TLE2: variants seen among roughly 807,000 people sequenced by gnomAD.
TLE2 encodes transducin-like enhancer protein 2.
A neutral mutation model predicts 97.2 loss-of-function variants in TLE2; 74 were observed. The observed-to-expected ratio is 0.76, with a 90% CI of 0.63 to 0.92. TLE2 has a LOEUF of 0.92. Among genes scored for constraint, TLE2 ranks in the 40% least tolerant of loss-of-function variants. The pLI is 0.00. For synonymous variants in TLE2, 499 were observed against 432.1 expected (o/e 1.15, Z -1.92); for missense variants, 1,038 against 1,008.7 (o/e 1.03, Z -0.39).
chr19:3,012,843 A>C (rs1392391240), intron 11 of TLE2, among the ~76,000 whole-genome samples: 2 of 152,160 alleles, frequency 1.3e-5, no homozygotes, highest in Non-Finnish European at 1.5e-5. Flanking sequence ...ACCATCGCAC[A>C]AACAGTGACA....
intron 4 of TLE2, chr19:3,025,591 C>T (rs2089929354): frequency 1.0e-6 from 1 of 986,376 alleles, no homozygotes; most frequent in African/African-American, 1.7e-5. Context: ...TCTCAGCACG[C>T]CACACTCAAG....
At chr19:3,004,608 C>A (rs1162475760) in intron 17 of TLE2, among the ~76,000 whole-genome samples, 1 of 129,900 alleles carries the variant, frequency 7.7e-6, no homozygotes, top group Non-Finnish European at 1.6e-5. Flanking sequence ...CACAGCAACT[C>A]TGTCTCAAAA....
At chr19:3,001,709 G>A (rs912118736) in intron 18 of TLE2, among the ~76,000 whole-genome samples, 1 of 151,452 alleles carries the variant, frequency 6.6e-6, no homozygotes, top group African/African-American at 2.4e-5. Flanking sequence ...TCCTGGTCTT[G>A]GGCGATCCTT....
upstream of TLE2, among the ~76,000 whole-genome samples, chr19:3,034,134 T>G (rs1409233863): frequency 4.6e-5 from 7 of 150,914 alleles, no homozygotes; most frequent in Non-Finnish European, 8.9e-5. Context: ...CCCACACACA[T>G]CCCCCAGATA....
chr19:3,002,848 G>A (rs2089395051), intron 17 of TLE2, among the ~76,000 whole-genome samples: 1 of 152,052 alleles, frequency 6.6e-6, no homozygotes, highest in African/African-American at 2.4e-5. Flanking sequence ...ACAGGTACCT[G>A]CTAGTACGCC....
intron 1 of TLE2, among the ~76,000 whole-genome samples, chr19:3,040,028 G>A (rs941288447): frequency 6.6e-6 from 1 of 152,234 alleles, no homozygotes; most frequent in African/African-American, 2.4e-5. Context: ...CGGCCCAGCG[G>A]GGACAATTTG....
At chr19:3,042,491 G>A (rs184799660) in intron 1 of TLE2, among the ~76,000 whole-genome samples, 5 of 148,716 alleles carry the variant, frequency 3.4e-5, no homozygotes, top group South Asian at 2.2e-4. Flanking sequence ...GAGCGGGGAC[G>A]GGGATGGTAG....
intron 1 of TLE2, among the ~76,000 whole-genome samples, chr19:3,042,413 G>GC (rs201443067): frequency 0.54 from 46,667 of 86,778 alleles, 13,632 homozygotes; most frequent in African/African-American, 0.61. Flanking sequence ...GGGTAAGGGG[G>GC]CCTGGGAGGA....
chr19:3,015,605 G>T, intron 9 of TLE2, 48 bp downstream of exon 9: 4 of 1,486,166 alleles, frequency 2.7e-6, no homozygotes, highest in African/African-American at 1.4e-5. Flanking sequence ...GGCCAGGCTG[G>T]TCTGGGCCAT....
chr19:3,006,673 G>A lies in TLE2; in HGVS notation c.1251-4C>T, dbSNP rs1166320142. ...AGACACGTGGAAGGAGTAGGCCCTGGAGAGAAAGCCGGGGCATGACCCAGC... is the reference window on the plus strand; with the variant it reads ...AGACACGTGGAAGGAGTAGGCCCTGAAGAGAAAGCCGGGGCATGACCCAGC... On this transcript the variant is annotated splice_polypyrimidine_tract_variant and splice_region_variant and intron_variant, in intron 14 of 19. Transcript: ENST00000262953. 6.3e-7 allele frequency: 1 copy of A among 1,584,484 alleles called. No individual in the cohort carries two copies. The highest frequency in any genetic ancestry group is 8.6e-7 in the Non-Finnish European group (1 of 1,162,758).
At chr19:3,016,321 A>T (rs112773445) in intron 8 of TLE2, among the ~76,000 whole-genome samples, 2 of 146,380 alleles carry the variant, frequency 1.4e-5, no homozygotes, top group Non-Finnish European at 3.0e-5. Flanking sequence ...CACGCCTATA[A>T]TCCCAGCACT....
rs766674281 is a variant in TLE2 at position 3,019,383 on chromosome 19, A to G, written c.450T>C (p.Ala150=). The change falls in exon 7 of 20, where the codon GCT becomes GCC. Residue 150 remains alanine (A), a synonymous_variant. Transcript: ENST00000262953. The surrounding 1 kb of genome is among the most constrained non-coding windows in gnomAD (Gnocchi z 5.1). ...PRPAGLVGGS[A]TGLLALSGAL... ...CTCCAGACAGAGCAAGCAGCCCCGT[A>G]GCACTGCCGCCCACCAGCCCGGCTG... 7.8e-6 allele frequency: 12 copies of G among 1,547,972 alleles called. No homozygotes were observed. In the Admixed American group the frequency reaches 2.3e-4, roughly 30 times the overall value.
rs1396595657 is a variant in TLE2 at position 3,009,647 on chromosome 19, G to GC, written c.1067dup (p.Ser357LeufsTer39). The GC allele has an allele frequency of 6.2e-7, 1 of 1,613,128 alleles. No individual in the cohort carries two copies. The highest frequency in any genetic ancestry group is 1.1e-5 in the South Asian group (1 of 90,802). On this transcript the variant is annotated frameshift_variant, in exon 13 of 20. Coordinates refer to ENST00000262953, the MANE Select transcript of TLE2 (RefSeq NM_003260.5). LOFTEE classifies it high-confidence loss of function. ...GGTCTCCGTTGAGAGTGCTGTGGGA[G>GC]CCCAGGCTGAAGGACGTGGTGAAGG...
chr19:3,019,456 AGCT>A lies in TLE2; in HGVS notation c.374_376del (p.Gln125del). 3.3e-6 allele frequency: 5 copies of A among 1,516,408 alleles called. No homozygotes were observed. Among genetic ancestry groups the A allele is most frequent in the Admixed American group, 2.1e-5 (1 of 48,112 alleles). 93.9% of individuals were successfully genotyped at this position (1,516,408 alleles called of 1,614,324 possible). ...GGGTGCGTGGTGGGACAGCGGCTGG[AGCT>A]GCTGCTGCTAGAAAGGAGGCAGGAT... On this transcript the variant is annotated inframe_deletion, in exon 7 of 20. Coordinates refer to ENST00000262953, the MANE Select transcript of TLE2 (RefSeq NM_003260.5). The surrounding 1 kb of genome is among the most constrained non-coding windows in gnomAD (Gnocchi z 5.1).
chr19:3,013,841 G>A (rs757716587), intron 10 of TLE2, 23 bp from the exon 11 acceptor site: 3 of 1,496,726 alleles, frequency 2.0e-6, no homozygotes, highest in African/African-American at 1.5e-5. Context: ...AGGTGACGTT[G>A]AGCAGAGTTG....
intron 12 of TLE2, 32 bp from the exon 13 acceptor site, chr19:3,009,734 C>G (rs147720997): frequency 2.5e-6 from 4 of 1,578,946 alleles, no homozygotes; most frequent in Non-Finnish European, 3.4e-6. Context: ...CAGGTTTTGA[C>G]GCCCTGGACC....
chr19:3,018,001 A>G lies in TLE2; in HGVS notation c.551-142T>C, dbSNP rs994756590. On this transcript the variant is annotated intron_variant, in intron 7 of 19. Transcript: ENST00000262953. ...CTCAGAGTCTCTCTACCCTTCCAACACCCTTGCAAGTGGTGGATTATCCCT... is the reference window on the plus strand; with the variant it reads ...CTCAGAGTCTCTCTACCCTTCCAACGCCCTTGCAAGTGGTGGATTATCCCT... 1.4e-5 allele frequency: 9 copies of G among 646,422 alleles called. No individual in the cohort carries two copies. In the African/African-American group the frequency reaches 1.6e-4, roughly 11 times the overall value. 40.0% of individuals were successfully genotyped at this position (646,422 alleles called of 1,614,324 possible).
chr19:3,020,813 C>T (rs550326619), intron 5 of TLE2, among the ~76,000 whole-genome samples: 2 of 151,970 alleles, frequency 1.3e-5, no homozygotes, highest in Non-Finnish European at 2.9e-5. Flanking sequence ...GAGCCGGGCG[C>T]GGCGGCTCAT....
At chr19:3,015,058 C>A (rs1159208965) in intron 9 of TLE2, among the ~76,000 whole-genome samples, 14 of 130,504 alleles carry the variant, frequency 1.1e-4, no homozygotes, top group South Asian at 5.0e-4. Flanking sequence ...AATTCATTGC[C>A]AAAAAAAAAA....
Sources: gnomAD v4.1 joint callset for allele counts (sites outside exome capture counted in the v4.1 genomes callset) on GRCh38, gnomAD v4.1.1 for gene constraint, Gnocchi (gnomAD v3.1) non-coding constraint, MANE v1.5 for transcripts, NCBI Gene and HGNC (gene_info 2026-07-23, HGNC 2026-07-21) for gene names.